CADM1: variants seen among roughly 807,000 people sequenced by gnomAD.
CADM1 encodes TSLC-1.
Under a neutral mutation model 53.1 loss-of-function variants are expected in CADM1, and 15 were observed. The ratio of observed to expected loss-of-function variants is 0.28; its 90% CI spans 0.19 to 0.44. CADM1 has a LOEUF of 0.44. Among genes scored for constraint, CADM1 ranks in the 20% least tolerant of loss-of-function variants. CADM1 has a pLI of 1.00. For missense variants in CADM1, 434 were observed against 611.3 expected, an observed-to-expected ratio of 0.71 and a Z score of 3.06; for synonymous variants, 281 against 243.0, an observed-to-expected ratio of 1.16 and a Z score of -1.45.
chr11:115,223,517 C>G (rs1420918763), intron 5 of CADM1, among the ~76,000 whole-genome samples: 1 of 152,168 alleles, frequency 6.6e-6, no homozygotes, highest in Non-Finnish European at 1.5e-5. Context: ...ACATCTTTTA[C>G]AAATACATTA....
chr11:115,262,644 G>A (rs1488638392), intron 1 of CADM1, among the ~76,000 whole-genome samples: 1 of 152,152 alleles, frequency 6.6e-6, no homozygotes, highest in African/African-American at 2.4e-5. Flanking sequence ...CGTAGTGGAT[G>A]CTTATTTTCT....
intron 1 of CADM1, among the ~76,000 whole-genome samples, chr11:115,365,731 G>A (rs759094994): frequency 6.6e-6 from 1 of 151,134 alleles, no homozygotes; most frequent in Non-Finnish European, 1.5e-5. Context: ...TTCTGAGCGC[G>A]GCAAAAAATA....
chr11:115,426,343 C>A (rs1947891387), intron 1 of CADM1, among the ~76,000 whole-genome samples: 1 of 152,154 alleles, frequency 6.6e-6, no homozygotes. Context: ...ACCCCCGGCC[C>A]CTTTTTCACA....
chr11:115,256,523 A>C (rs908456597), intron 1 of CADM1, among the ~76,000 whole-genome samples: 4 of 152,200 alleles, frequency 2.6e-5, no homozygotes, highest in African/African-American at 7.2e-5. Context: ...GCAGCTGCTC[A>C]CAGGGGGAAG....
intron 1 of CADM1, among the ~76,000 whole-genome samples, chr11:115,255,562 A>C (rs1942757954): frequency 6.6e-6 from 1 of 152,216 alleles, no homozygotes; most frequent in South Asian, 2.1e-4. Flanking sequence ...TCACAGTCAT[A>C]AACACAAGAC....
At chr11:115,417,309 TG>T (rs1037350503) in intron 1 of CADM1, among the ~76,000 whole-genome samples, 98 of 152,226 alleles carry the variant, frequency 6.4e-4, no homozygotes, top group African/African-American at 2.2e-3. Flanking sequence ...GGGAAACTTG[TG>T]GTGAATCTTT....
At chr11:115,309,724 C>T (rs1222648689) in intron 1 of CADM1, among the ~76,000 whole-genome samples, 1 of 152,224 alleles carries the variant, frequency 6.6e-6, no homozygotes, top group African/African-American at 2.4e-5. Flanking sequence ...ATCCCCCGGC[C>T]GTGTGACTTA....
chr11:115,323,890 G>GAAA (rs200056022), intron 1 of CADM1, among the ~76,000 whole-genome samples: 39,110 of 144,826 alleles, frequency 0.27, 5,406 homozygotes, highest in East Asian at 0.44. Flanking sequence ...TACGAAAAAG[G>GAAA]AAAAAAAAAA....
Position 115,174,441 on chromosome 11 carries a change from G to T in CADM1, c.*2033C>A. On this transcript the variant is annotated 3_prime_UTR_variant, in exon 12 of 12. Transcript: ENST00000331581. ...CAGATTATAAAATTCATTGAAAAAGGGATGTTCATTGTGGCTTTTTGTCTT... is the reference window on the plus strand; with the variant it reads ...CAGATTATAAAATTCATTGAAAAAGTGATGTTCATTGTGGCTTTTTGTCTT... 2.0e-6 allele frequency: 2 copies of T among 985,660 alleles called. No homozygotes were observed. The highest frequency in any genetic ancestry group is 2.4e-6 in the Non-Finnish European group (2 of 829,814). 61.1% of individuals were successfully genotyped at this position (985,660 alleles called of 1,614,324 possible).
intron 1 of CADM1, among the ~76,000 whole-genome samples, chr11:115,291,058 G>A (rs1943885930): frequency 6.6e-6 from 1 of 152,130 alleles, no homozygotes; most frequent in African/African-American, 2.4e-5. Flanking sequence ...AACATGAAAG[G>A]ATTACTATAG....
chr11:115,341,958 C>T (rs539659274), intron 1 of CADM1, among the ~76,000 whole-genome samples: 1 of 152,126 alleles, frequency 6.6e-6, no homozygotes, highest in African/African-American at 2.4e-5. Flanking sequence ...GATCAGAATA[C>T]AATTTACTTC....
intron 1 of CADM1, among the ~76,000 whole-genome samples, chr11:115,497,163 A>G (rs1949637033): frequency 6.6e-6 from 1 of 152,176 alleles, no homozygotes; most frequent in African/African-American, 2.4e-5. Context: ...GCATTTTTAA[A>G]AGTCTATGTC....
intron 1 of CADM1, among the ~76,000 whole-genome samples, chr11:115,270,028 A>T (rs978383534): frequency 1.4e-4 from 21 of 152,314 alleles, no homozygotes; most frequent in African/African-American, 4.8e-4. Flanking sequence ...TTTGTGTAAA[A>T]GTGTGCAGGC....
intron 1 of CADM1, among the ~76,000 whole-genome samples, chr11:115,411,493 G>A (rs926662235): frequency 1.3e-5 from 2 of 152,122 alleles, no homozygotes; most frequent in South Asian, 4.1e-4. Context: ...AATATGTTAA[G>A]AATTAGGAGA....
chr11:115,206,571 C>T lies in CADM1; in HGVS notation c.1078+3003G>A, dbSNP rs186087832. 3.4e-3 allele frequency among the ~76,000 whole-genome samples: 513 copies of T among 152,068 alleles called. 8 individuals carry two copies. The highest frequency in any genetic ancestry group is 0.012 in the African/African-American group (485 of 41,474). ...GGGAACAATTTGATTATCCTGGTTA[C>T]GGAAGATAAAAGATAACACTGGAAC... On this transcript the variant is annotated intron_variant, in intron 8 of 11. Coordinates refer to ENST00000331581, the MANE Select transcript of CADM1 (RefSeq NM_001301043.2).
At chr11:115,233,336 AT>A (rs1203585073) in intron 3 of CADM1, among the ~76,000 whole-genome samples, 1 of 152,246 alleles carries the variant, frequency 6.6e-6, no homozygotes, top group Non-Finnish European at 1.5e-5. Flanking sequence ...TTAACATCTA[AT>A]TTAGAGTTTC....
At chr11:115,245,761 CAG>C (rs1283859221) in intron 1 of CADM1, among the ~76,000 whole-genome samples, 1 of 152,132 alleles carries the variant, frequency 6.6e-6, no homozygotes, top group African/African-American at 2.4e-5. Flanking sequence ...AACGTAAACA[CAG>C]TGTTCACTAC....
chr11:115,361,982 C>T (rs890671089), intron 1 of CADM1, among the ~76,000 whole-genome samples: 3 of 152,104 alleles, frequency 2.0e-5, no homozygotes, highest in African/African-American at 7.2e-5. Context: ...TCAAGTGATG[C>T]CCCCACCTCG....
intron 10 of CADM1, chr11:115,179,224 G>T (rs557131831): frequency 5.5e-4 from 120 of 218,194 alleles, no homozygotes; most frequent in African/African-American, 2.6e-3. Flanking sequence ...GTAGATTAGG[G>T]ATATGCATAG....
Sources: allele counts gnomAD v4.1 joint callset (sites outside exome capture counted in the v4.1 genomes callset), GRCh38; gene constraint gnomAD v4.1.1; transcripts MANE v1.5; gene names NCBI Gene and HGNC (gene_info 2026-07-23, HGNC 2026-07-21).